Variants in SOX6 observed in about 807,000 individuals in gnomAD.
SOX6 encodes the protein transcription factor SOX-6.
In SOX6, 11 loss-of-function variants were observed where a neutral mutation model predicts 97.8. That is an observed-to-expected ratio of 0.11 (90% CI 0.07 to 0.19). SOX6 has a LOEUF of 0.19. SOX6 is among the 10% of genes least tolerant of loss of function. SOX6 has a pLI of 1.00. For synonymous variants in SOX6, 360 were observed against 371.4 expected (o/e 0.97, Z 0.35); for missense variants, 810 against 1,039.5 (o/e 0.78, Z 3.04).
In SOX6 at chr11:16,164,740, T is replaced by C. The variant is rs572422866; in HGVS notation, c.777+19146A>G. On this transcript the variant is annotated intron_variant, in intron 6 of 15. Coordinates refer to ENST00000683767, the MANE Select transcript of SOX6 (RefSeq NM_001367873.1). ...TGGGAGGCTAAGGCAGGAGAATCAC[T>C]TGAACCTGGGAGGCGAAAGGTGGTG... Among the ~76,000 whole-genome samples, 3 of 151,688 alleles carry C rather than the reference T, an allele frequency of 2.0e-5. No individual in the cohort carries two copies. The South Asian group carries it at 6.3e-4, about 32-fold the overall frequency.
At chr11:16,458,443 A>G (rs767621539) in intron 1 of SOX6, among the ~76,000 whole-genome samples, 1 of 152,032 alleles carries the variant, frequency 6.6e-6, no homozygotes, top group East Asian at 1.9e-4. Flanking sequence ...GCAAAAAAGT[A>G]ATATGGGTAC....
chr11:16,226,800 T>A (rs1590045027), intron 4 of SOX6, among the ~76,000 whole-genome samples: 2 of 152,162 alleles, frequency 1.3e-5, no homozygotes, highest in Non-Finnish European at 2.9e-5. Flanking sequence ...AACTGTATTA[T>A]CTATATCACT....
chr11:15,975,798 G>C (rs1853461513), intron 15 of SOX6, among the ~76,000 whole-genome samples: 1 of 151,664 alleles, frequency 6.6e-6, no homozygotes, highest in Non-Finnish European at 1.5e-5. Context: ...CACATATCAA[G>C]ATCAGGGTGA....
rs191427431 is a variant in SOX6 at position 16,076,515 on chromosome 11, A to G, written c.1101+19481T>C. Among the ~76,000 whole-genome samples the G allele has an allele frequency of 1.3e-3, 203 of 152,146 alleles. 1 individual carries two copies. The highest frequency in any genetic ancestry group is 4.5e-3 in the African/African-American group (186 of 41,544). ...TAAGCATGTAACAAAAGTGCTTAACATCTGTATTAGTCCGTTCTCCCACTG... is the reference window on the plus strand; with the variant it reads ...TAAGCATGTAACAAAAGTGCTTAACGTCTGTATTAGTCCGTTCTCCCACTG... On this transcript the variant is annotated intron_variant, in intron 9 of 15. Coordinates refer to ENST00000683767, the MANE Select transcript of SOX6 (RefSeq NM_001367873.1).
chr11:16,193,093 A>G (rs1851672696), intron 4 of SOX6, among the ~76,000 whole-genome samples: 1 of 152,220 alleles, frequency 6.6e-6, no homozygotes, highest in Non-Finnish European at 1.5e-5. Flanking sequence ...TTCTAATGAG[A>G]AAATCTAGAA....
intron 4 of SOX6, among the ~76,000 whole-genome samples, chr11:16,209,289 T>C (rs1031552044): frequency 6.6e-6 from 1 of 152,172 alleles, no homozygotes; most frequent in Non-Finnish European, 1.5e-5. Context: ...TTCGGGGGTC[T>C]TCATTAGCTT....
intron 1 of SOX6, among the ~76,000 whole-genome samples, chr11:16,365,213 C>T (rs1288332794): frequency 6.6e-6 from 1 of 151,818 alleles, no homozygotes; most frequent in Admixed American, 6.6e-5. Context: ...GGATAGGGTT[C>T]AGTACTATCT....
chr11:16,031,878 G>A (rs140961348), intron 12 of SOX6, among the ~76,000 whole-genome samples: 84 of 151,530 alleles, frequency 5.5e-4, no homozygotes, highest in African/African-American at 1.9e-3. Flanking sequence ...AGTGTGGACC[G>A]AGGGCGATGC....
chr11:16,432,615 G>A (rs980959814), intron 1 of SOX6, among the ~76,000 whole-genome samples: 3 of 151,922 alleles, frequency 2.0e-5, no homozygotes, highest in African/African-American at 7.2e-5. Flanking sequence ...TCTAGACAGT[G>A]GGTCTCAATA....
chr11:16,624,976 T>C (rs1311946836), intron 3 of SOX6, among the ~76,000 whole-genome samples: 1 of 152,196 alleles, frequency 6.6e-6, no homozygotes, highest in Non-Finnish European at 1.5e-5. Flanking sequence ...GGAGGGTTGA[T>C]TGTCTAATTT....
chr11:16,527,998 A>G (rs1358646175), intron 4 of SOX6, among the ~76,000 whole-genome samples: 1 of 152,094 alleles, frequency 6.6e-6, no homozygotes, highest in African/African-American at 2.4e-5. Flanking sequence ...TTGTATTACA[A>G]GTTGGTGGAT....
chr11:15,992,842 T>C (rs1214910163), intron 13 of SOX6, among the ~76,000 whole-genome samples: 2 of 152,198 alleles, frequency 1.3e-5, no homozygotes, highest in Non-Finnish European at 2.9e-5. Flanking sequence ...GATAGATGTT[T>C]TCAACAAATA....
At chr11:16,512,669 A>T (rs548945926) in intron 4 of SOX6, among the ~76,000 whole-genome samples, 1 of 152,344 alleles carries the variant, frequency 6.6e-6, no homozygotes, top group Non-Finnish European at 1.5e-5. Context: ...GTAAACTGTT[A>T]GGTATTTCTT....
At position 16,326,178 on chromosome 11, in the gene SOX6, G is replaced by A. The variant is rs751542342; in HGVS notation, c.238-7525C>T. On this transcript the variant is annotated intron_variant, in intron 2 of 15. Transcript: ENST00000683767. ...AATATCAATCTATTTCCTCTTCCATGTGAGAGTTGTTCAAATATCTTAATG... is the reference window on the plus strand; with the variant it reads ...AATATCAATCTATTTCCTCTTCCATATGAGAGTTGTTCAAATATCTTAATG... 4.6e-5 allele frequency among the ~76,000 whole-genome samples: 7 copies of A among 152,250 alleles called. No homozygotes were observed. In the East Asian group the frequency reaches 1.4e-3, roughly 29 times the overall value.
intron 1 of SOX6, among the ~76,000 whole-genome samples, chr11:16,737,531 A>G (rs11024029): frequency 0.16 from 24,738 of 152,004 alleles, 2,654 homozygotes; most frequent in East Asian, 0.32. Context: ...AAAAAAAAAA[A>G]TCACATTTGT....
chr11:16,229,675 C>A (rs931908060), intron 4 of SOX6, among the ~76,000 whole-genome samples: 2 of 151,750 alleles, frequency 1.3e-5, no homozygotes, highest in Non-Finnish European at 2.9e-5. Flanking sequence ...ATATACAATT[C>A]TGTAAGAGTT....
chr11:15,978,031 C>T (rs1433808789), intron 15 of SOX6, among the ~76,000 whole-genome samples: 3 of 152,030 alleles, frequency 2.0e-5, no homozygotes, highest in East Asian at 3.9e-4. Context: ...AGGCTAACCC[C>T]TCTGCTTGTG....
intron 3 of SOX6, among the ~76,000 whole-genome samples, chr11:16,689,897 G>A (rs1468897641): frequency 6.7e-6 from 1 of 150,284 alleles, no homozygotes; most frequent in Non-Finnish European, 1.5e-5. Flanking sequence ...TTGTCACCAA[G>A]GTTATAATCA....
intron 3 of SOX6, among the ~76,000 whole-genome samples, chr11:16,639,847 A>G (rs1419509249): frequency 6.6e-6 from 1 of 152,180 alleles, no homozygotes; most frequent in Non-Finnish European, 1.5e-5. Flanking sequence ...CAATCATGTC[A>G]TCTGCAAACA....
Sources: gnomAD v4.1 joint callset for allele counts (sites outside exome capture counted in the v4.1 genomes callset) on GRCh38, gnomAD v4.1.1 for gene constraint, MANE v1.5 for transcripts, NCBI Gene and HGNC (gene_info 2026-07-23, HGNC 2026-07-21) for gene names.